COL5A1: variants seen among roughly 807,000 people sequenced by gnomAD.
The protein encoded by COL5A1 is collagen alpha-1(V) chain.
Under a neutral mutation model 263.7 loss-of-function variants are expected in COL5A1, and 16 were observed. The observed-to-expected ratio is 0.06, with a 90% confidence interval of 0.04 to 0.09. The LOEUF (loss-of-function observed/expected upper bound fraction) is 0.09, where lower values mean the gene tolerates loss of function less well. Among genes scored for constraint, COL5A1 ranks in the 10% least tolerant of loss-of-function variants. COL5A1 has a pLI of 1.00. For synonymous variants in COL5A1, 1,012 were observed against 1,004.5 expected (o/e 1.01, Z -0.14); for missense variants, 2,036 against 2,540.5 (o/e 0.80, Z 4.27).
At chr9:134,738,151 G>T (rs1181267516) in intron 9 of COL5A1, among the ~76,000 whole-genome samples, 2 of 152,166 alleles carry the variant, frequency 1.3e-5, no homozygotes. Context: ...CCCCTTTGGG[G>T]TGATGCAGGG....
intron 34 of COL5A1, 120 bp downstream of exon 34, chr9:134,795,435 C>T (rs1053946872): frequency 1.2e-6 from 1 of 838,692 alleles, no homozygotes; most frequent in Non-Finnish European, 1.8e-6. Flanking sequence ...AAAGGCAGGA[C>T]ATTTTCTTAG....
chr9:134,814,031 C>A lies in COL5A1; in HGVS notation c.3901C>A (p.Pro1301Thr), dbSNP rs1330440189. 6.4e-7 allele frequency: 1 copy of A among 1,550,740 alleles called. No homozygotes were observed. The highest frequency in any genetic ancestry group is 8.7e-7 in the Non-Finnish European group (1 of 1,146,988). ...GCCTGGCCTTCCGGGAGAAGGCGGC[C>A]CCCCGGTGAGTGAGCGGGCGCTGCG... is the stretch of plus-strand genomic sequence containing the variant. ...GEPGLPGEGG[P>T]PGPKGERGEK... The change falls in exon 49 of 66, where the codon CCC (proline) becomes ACC (threonine). Residue 1301 changes from proline (P) to threonine (T), a missense_variant. Physicochemically the swap from Pro to Thr is conservative, Grantham distance 38. Around this residue, in one of 3 missense-constraint regions of COL5A1, gnomAD observed 1,078 missense variants for 1,521.4 expected, o/e 0.71. Transcript: ENST00000371817.
rs1837580337 is a variant in COL5A1 at position 134,789,134 on chromosome 9, C to T, written c.2647-21C>T. The T allele has an allele frequency of 1.2e-6, 2 of 1,611,990 alleles. No individual in the cohort carries two copies. Among genetic ancestry groups the T allele is most frequent in the Non-Finnish European group, 1.7e-6 (2 of 1,179,070 alleles). ...CATTCCTGGCCCAGCTCTGATGCCT[C>T]CTCCTTAAACTCTCTTTCAGGGCTC... is the stretch of plus-strand genomic sequence containing the variant. On this transcript the variant is annotated intron_variant, in intron 31 of 65. Coordinates refer to ENST00000371817, the MANE Select transcript of COL5A1 (RefSeq NM_000093.5). This position sits in a 1 kb window ranked among gnomAD's most constrained non-coding sequence, Gnocchi z 4.8.
chr9:134,806,761 G>T (rs753590270), intron 42 of COL5A1, among the ~76,000 whole-genome samples: 3 of 152,206 alleles, frequency 2.0e-5, no homozygotes, highest in Non-Finnish European at 4.4e-5. Context: ...TCCTAGGAAA[G>T]GATGTTTGGA....
At chr9:134,759,511 A>AC in intron 18 of COL5A1, among the ~76,000 whole-genome samples, 1 of 132,604 alleles carries the variant, frequency 7.5e-6, no homozygotes, top group African/African-American at 3.1e-5. Flanking sequence ...ACATGCACAC[A>AC]CACATACACA....
At chr9:134,728,938 C>T in intron 6 of COL5A1, 131 bp downstream of exon 6, 1 of 1,187,400 alleles carries the variant, frequency 8.4e-7, no homozygotes, top group Non-Finnish European at 1.2e-6. Flanking sequence ...GGGGGCAGCT[C>T]AGTGAGGGAG....
In COL5A1 at chr9:134,810,268, A is replaced by C. The variant is rs749332467; in HGVS notation, c.3488A>C (p.Glu1163Ala). The change falls in exon 44 of 66, where the codon GAG becomes GCG. Residue 1163 changes from glutamate (E) to alanine (A), a missense_variant. This residue lies in a region of COL5A1 where 1,078 missense variants were observed against 1,521.4 expected (regional missense o/e 0.71). Transcript: ENST00000371817. ...ACCTTCCCCTAGGGAGAGATCGGGG[A>C]GCCGGGGCAGAAAGGAAGCAAGGGG... ...GEDGDKGEIG[E>A]PGQKGSKGDK... 63 of 1,614,200 alleles carry C rather than the reference A, an allele frequency of 3.9e-5. No homozygotes were observed. The South Asian group carries it at 6.6e-4, about 17-fold the overall frequency.
intron 25 of COL5A1, 133 bp downstream of exon 25, chr9:134,768,596 G>A (rs991023810): frequency 2.4e-5 from 21 of 888,244 alleles, no homozygotes; most frequent in South Asian, 1.4e-4. Context: ...ATGAAGACCC[G>A]TTTGGTCTCC....
chr9:134,797,108 G>A (rs1262017368), intron 36 of COL5A1, among the ~76,000 whole-genome samples: 1 of 152,254 alleles, frequency 6.6e-6, no homozygotes, highest in Non-Finnish European at 1.5e-5. Context: ...GCAGTCTGTG[G>A]CTGTGTCCCA....
At position 134,724,285 on chromosome 9, in the gene COL5A1, T is replaced by C. The variant is rs150961342; in HGVS notation, c.655-2981T>C. Among the ~76,000 whole-genome samples the C allele has an allele frequency of 5.1e-3, 778 of 152,356 alleles. 9 individuals carry two copies. The highest frequency in any genetic ancestry group is 0.018 in the African/African-American group (734 of 41,578). ...ACAAGGAGTTTTGCCTGGAGGACTCTACAGCTCTGTGAGGTCAATGCTGCC... is the reference window on the plus strand; with the variant it reads ...ACAAGGAGTTTTGCCTGGAGGACTCCACAGCTCTGTGAGGTCAATGCTGCC... On this transcript the variant is annotated intron_variant, in intron 4 of 65. Transcript: ENST00000371817.
At chr9:134,829,651 C>T (rs375069593) in intron 63 of COL5A1, among the ~76,000 whole-genome samples, 3 of 150,154 alleles carry the variant, frequency 2.0e-5, no homozygotes, top group South Asian at 2.1e-4. Flanking sequence ...GGGCCCCGGC[C>T]AGGCTCATCC....
chr9:134,664,586 G>A (rs1022321933), intron 1 of COL5A1, among the ~76,000 whole-genome samples: 10 of 152,228 alleles, frequency 6.6e-5, no homozygotes, highest in Non-Finnish European at 1.5e-5. Flanking sequence ...GTGAGAAGAT[G>A]TTAGACTTTA....
Position 134,823,065 on chromosome 9 carries a change from C to T in COL5A1, c.4644+32C>T, listed in dbSNP as rs779347681. 5.6e-6 allele frequency: 9 copies of T among 1,613,414 alleles called. 1 individual carries two copies. In the East Asian group the frequency reaches 1.8e-4, roughly 32 times the overall value. On this transcript the variant is annotated intron_variant, in intron 60 of 65. Coordinates refer to ENST00000371817, the MANE Select transcript of COL5A1 (RefSeq NM_000093.5). ...AACATGCTGCCCAGCCAGGCCAATG[C>T]CTGGAAGGTAGGGGAGGGCGACGGG...
rs116232856 is a variant in COL5A1, at chr9:134,704,662, C to T, written c.654+3329C>T. Among the ~76,000 whole-genome samples, 701 of 152,244 alleles carry T rather than the reference C, an allele frequency of 4.6e-3. 5 individuals are homozygous for T. The highest frequency in any genetic ancestry group is 0.016 in the African/African-American group (658 of 41,548). ...TTATTGACCACAAGTTGTTAATGGT[C>T]TGGAGGAGGTGTTTTCCTAGCCCCA... is the stretch of plus-strand genomic sequence containing the variant. On this transcript the variant is annotated intron_variant, in intron 4 of 65. Transcript: ENST00000371817.
intron 63 of COL5A1, among the ~76,000 whole-genome samples, chr9:134,829,520 T>G (rs183293105): frequency 7.1e-6 from 1 of 140,206 alleles, no homozygotes; most frequent in Non-Finnish European, 1.5e-5. Flanking sequence ...CCCCGAGGGC[T>G]GGGGCCAGGC....
intron 64 of COL5A1, among the ~76,000 whole-genome samples, chr9:134,831,083 G>C (rs1226062318): frequency 2.0e-5 from 3 of 152,168 alleles, no homozygotes; most frequent in African/African-American, 7.2e-5. Context: ...CTCTCAGAAG[G>C]CAGCCCGTGG....
At chr9:134,773,120 G>A (rs1836922906) in intron 26 of COL5A1, among the ~76,000 whole-genome samples, 1 of 152,260 alleles carries the variant, frequency 6.6e-6, no homozygotes, top group Admixed American at 6.5e-5. Context: ...TGGGCAGCAG[G>A]GCAGTGTCTC....
At chr9:134,797,103 C>T (rs1837942093) in intron 36 of COL5A1, among the ~76,000 whole-genome samples, 1 of 152,268 alleles carries the variant, frequency 6.6e-6, no homozygotes, top group Admixed American at 6.5e-5. Flanking sequence ...GTGGGGCAGT[C>T]TGTGGCTGTG....
At position 134,824,651 on chromosome 9, in the gene COL5A1, C is replaced by T. The variant is rs758378927; in HGVS notation, c.4750C>T (p.Arg1584Trp). The T allele has an allele frequency of 5.6e-6, 9 of 1,614,054 alleles. No homozygotes were observed. The highest frequency in any genetic ancestry group is 1.6e-4 in the Middle Eastern group (1 of 6,084). The part of the protein sequence containing the change: ...QPLPIQASRT[R>W]RNIDASQLLD... ...CCTGCCAATCCAGGCATCCAGGACG[C>T]GGCGGAACATCGACGCCAGCCAGCT... Residue 1584 changes from arginine (R) to tryptophan (W), a missense_variant, in exon 62 of 66, where the codon CGG becomes TGG. Transcript: ENST00000371817.
Sources: allele counts gnomAD v4.1 joint callset (sites outside exome capture counted in the v4.1 genomes callset), GRCh38; gene constraint gnomAD v4.1.1; regional missense constraint gnomAD v4.1.1; non-coding constraint Gnocchi (gnomAD v3.1); transcripts MANE v1.5; gene names NCBI Gene and HGNC (gene_info 2026-07-23, HGNC 2026-07-21).